Variants in GRID1 observed in about 807,000 individuals in gnomAD.
GRID1 encodes the protein glutamate ionotropic receptor delta type subunit 1, also known as glutamate receptor ionotropic, delta-1.
A neutral mutation model predicts 98.0 loss-of-function variants in GRID1; 28 were observed. The ratio of observed to expected loss-of-function variants is 0.29; its 90% CI spans 0.21 to 0.39. The LOEUF is 0.39. GRID1 is among the 10% of genes least tolerant of loss of function. GRID1 has a pLI of 1.00. For missense variants in GRID1, 1,111 were observed against 1,340.5 expected (o/e 0.83, Z 2.67); for synonymous variants, 553 against 538.5 (o/e 1.03, Z -0.37).
rs1199776936 is a variant in GRID1, at chr10:86,343,122, G to A, written c.235+20819C>T. ...GCTCTTAAAACCTTGTTTTGGAGATGTTCAGAATTCCATCCAGGAATTAGG... is the reference window on the plus strand; with the variant it reads ...GCTCTTAAAACCTTGTTTTGGAGATATTCAGAATTCCATCCAGGAATTAGG... On this transcript the variant is annotated intron_variant, in intron 2 of 15. Transcript: ENST00000327946. Among the ~76,000 whole-genome samples the A allele has an allele frequency of 3.9e-5, 6 of 152,348 alleles. No homozygotes were observed. In the East Asian group the frequency reaches 9.6e-4, roughly 24 times the overall value.
At chr10:85,987,637 C>A (rs1271198817) in intron 4 of GRID1, among the ~76,000 whole-genome samples, 3 of 150,578 alleles carry the variant, frequency 2.0e-5, no homozygotes, top group African/African-American at 7.4e-5. Flanking sequence ...TGCAGCCTTA[C>A]CCTGCTCTAC....
Position 85,651,774 on chromosome 10 carries a change from T to C in GRID1, c.1998-4377A>G, listed in dbSNP as rs571762322. 1.5e-3 allele frequency among the ~76,000 whole-genome samples: 228 copies of C among 152,314 alleles called. 1 individual carries two copies. Among genetic ancestry groups the C allele is most frequent in the African/African-American group, 4.7e-3 (194 of 41,574 alleles). ...CCAGAGTCTGCACTGGCTCATGAAA[T>C]GTCATGGTGCAAGCATGTGTATCAC... On this transcript the variant is annotated intron_variant, in intron 12 of 15. Coordinates refer to ENST00000327946, the MANE Select transcript of GRID1 (RefSeq NM_017551.3).
At chr10:85,925,136 A>G (rs944085359) in intron 4 of GRID1, among the ~76,000 whole-genome samples, 1 of 152,226 alleles carries the variant, frequency 6.6e-6, no homozygotes, top group Non-Finnish European at 1.5e-5. Context: ...AGTATTGGCC[A>G]ATGGATACTT....
chr10:86,346,607 G>A (rs531430318), intron 2 of GRID1, among the ~76,000 whole-genome samples: 2 of 152,366 alleles, frequency 1.3e-5, no homozygotes, highest in African/African-American at 2.4e-5. Flanking sequence ...TCAGAGCGGA[G>A]CAGACGCTGC....
chr10:86,262,946 C>T (rs1371666930), intron 2 of GRID1, among the ~76,000 whole-genome samples: 2 of 152,002 alleles, frequency 1.3e-5, no homozygotes, highest in South Asian at 2.1e-4. Context: ...CTCCCTCCCC[C>T]GAGAGCATAG....
At chr10:86,163,512 G>A (rs1018349502) in intron 3 of GRID1, among the ~76,000 whole-genome samples, 29 of 151,426 alleles carry the variant, frequency 1.9e-4, no homozygotes, top group African/African-American at 6.6e-4. Context: ...TGCTGCACCC[G>A]TTAATTTGAC....
chr10:85,900,374 T>C (rs1047691957), intron 5 of GRID1, among the ~76,000 whole-genome samples: 2 of 152,240 alleles, frequency 1.3e-5, no homozygotes, highest in Non-Finnish European at 2.9e-5. Flanking sequence ...CAAGTTCATC[T>C]GAATCCACCA....
chr10:86,248,861 G>A (rs775945947), intron 2 of GRID1, among the ~76,000 whole-genome samples: 1 of 152,176 alleles, frequency 6.6e-6, no homozygotes, highest in Admixed American at 6.5e-5. Context: ...TGCCCAGCCT[G>A]GGCATGACGA....
At chr10:85,887,265 C>G (rs2131807184) in intron 5 of GRID1, among the ~76,000 whole-genome samples, 1 of 152,202 alleles carries the variant, frequency 6.6e-6, no homozygotes, top group South Asian at 2.1e-4. Flanking sequence ...GGGTGGGAGA[C>G]AAAGCTTGGC....
At chr10:86,316,456 C>G (rs540926699) in intron 2 of GRID1, among the ~76,000 whole-genome samples, 20 of 152,368 alleles carry the variant, frequency 1.3e-4, no homozygotes, top group South Asian at 4.1e-4. Context: ...CACAGCCTGG[C>G]CCCTGAAGCT....
chr10:85,693,892 G>A (rs1019929009), intron 12 of GRID1, among the ~76,000 whole-genome samples: 39 of 152,140 alleles, frequency 2.6e-4, no homozygotes, highest in African/African-American at 9.4e-4. Context: ...GTCTAAGACC[G>A]CAAATGCGTA....
chr10:85,643,102 C>T (rs1327827947), intron 13 of GRID1, among the ~76,000 whole-genome samples: 1 of 152,204 alleles, frequency 6.6e-6, no homozygotes, highest in African/African-American at 2.4e-5. Flanking sequence ...AGCATACCAT[C>T]CATACCAACC....
At chr10:85,819,406 T>A (rs2131749651) in intron 8 of GRID1, among the ~76,000 whole-genome samples, 1 of 152,202 alleles carries the variant, frequency 6.6e-6, no homozygotes, top group East Asian at 1.9e-4. Flanking sequence ...CCTCAACATC[T>A]CAACATGATC....
At chr10:86,172,080 C>G (rs1167112713) in intron 3 of GRID1, among the ~76,000 whole-genome samples, 1 of 152,052 alleles carries the variant, frequency 6.6e-6, no homozygotes, top group Non-Finnish European at 1.5e-5. Flanking sequence ...CTTGCAACCA[C>G]CACTACAATC....
intron 8 of GRID1, among the ~76,000 whole-genome samples, chr10:85,822,001 T>C (rs1328144327): frequency 6.6e-6 from 1 of 152,218 alleles, no homozygotes; most frequent in Admixed American, 6.5e-5. Flanking sequence ...AAGCTGAAAC[T>C]GGATCCCTTC....
At chr10:86,222,430 G>A (rs533763680) in intron 2 of GRID1, among the ~76,000 whole-genome samples, 9 of 152,334 alleles carry the variant, frequency 5.9e-5, no homozygotes, top group African/African-American at 2.2e-4. Flanking sequence ...GGGAAGGGGT[G>A]GTGGGAGCAG....
chr10:86,085,757 G>T (rs1411986298), intron 4 of GRID1, among the ~76,000 whole-genome samples: 1 of 152,036 alleles, frequency 6.6e-6, no homozygotes, highest in Non-Finnish European at 1.5e-5. Context: ...GCAGGCAGGG[G>T]ACATCAGTCC....
intron 2 of GRID1, among the ~76,000 whole-genome samples, chr10:86,322,998 G>A (rs1257162644): frequency 2.0e-5 from 3 of 151,976 alleles, no homozygotes; most frequent in African/African-American, 7.2e-5. Flanking sequence ...GGGATGCCGA[G>A]GCAGGAGAAT....
At chr10:86,348,884 T>A (rs1848426359) in intron 2 of GRID1, among the ~76,000 whole-genome samples, 1 of 152,260 alleles carries the variant, frequency 6.6e-6, no homozygotes, top group South Asian at 2.1e-4. Flanking sequence ...CCATCCTGGC[T>A]GCACTCATGC....
Sources: allele counts gnomAD v4.1 joint callset (sites outside exome capture counted in the v4.1 genomes callset), GRCh38; gene constraint gnomAD v4.1.1; transcripts MANE v1.5; gene names NCBI Gene and HGNC (gene_info 2026-07-23, HGNC 2026-07-21).